Variants in COL23A1 observed in about 807,000 individuals in gnomAD.
COL23A1 encodes the protein collagen type XXIII alpha 1 chain.
COL23A1 carries 97 observed loss-of-function variants against 99.3 expected under a neutral mutation model. That is an observed-to-expected ratio of 0.98 (90% CI 0.83 to 1.16). COL23A1 has a LOEUF of 1.16. Among genes scored for constraint, COL23A1 ranks in the 50% most tolerant of loss-of-function variants. COL23A1 has a pLI of 0.00. For missense variants in COL23A1, 762 were observed against 757.4 expected (o/e 1.01, Z -0.07); for synonymous variants, 320 against 308.2 (o/e 1.04, Z -0.40).
chr5:178,520,242 G>C (rs1759865953), intron 2 of COL23A1, among the ~76,000 whole-genome samples: 1 of 152,190 alleles, frequency 6.6e-6, no homozygotes, highest in South Asian at 2.1e-4. Context: ...ATCAGTGTGT[G>C]ACTAGTAAGA....
At chr5:178,505,817 C>T (rs565807411) in intron 2 of COL23A1, among the ~76,000 whole-genome samples, 3 of 152,250 alleles carry the variant, frequency 2.0e-5, no homozygotes, top group East Asian at 3.9e-4. Context: ...CCCAGAGCCA[C>T]GGACAGGGTG....
chr5:178,417,362 C>A (rs139341511), intron 2 of COL23A1, among the ~76,000 whole-genome samples: 1 of 152,198 alleles, frequency 6.6e-6, no homozygotes, highest in Non-Finnish European at 1.5e-5. Flanking sequence ...TTCAGACTGA[C>A]GCCAAGAAGT....
intron 7 of COL23A1, among the ~76,000 whole-genome samples, chr5:178,267,915 A>G (rs1755994841): frequency 6.6e-6 from 1 of 152,190 alleles, no homozygotes. Flanking sequence ...GTCTTAATTT[A>G]CAGATGGGGA....
chr5:178,505,374 T>G (rs1002690497), intron 2 of COL23A1, among the ~76,000 whole-genome samples: 1 of 152,092 alleles, frequency 6.6e-6, no homozygotes, highest in Non-Finnish European at 1.5e-5. Context: ...CTCAGCCTTC[T>G]GAGTACCTGG....
chr5:178,500,424 C>CCAAAAAAAAAA (rs1554184902), intron 2 of COL23A1, among the ~76,000 whole-genome samples: 2 of 65,696 alleles, frequency 3.0e-5, no homozygotes, highest in African/African-American at 5.6e-5. Context: ...CCCATCTCTA[C>CCAAAAAAAAAA]AAAAAAAAAA....
At chr5:178,492,825 G>T (rs1177475128) in intron 2 of COL23A1, among the ~76,000 whole-genome samples, 1 of 152,104 alleles carries the variant, frequency 6.6e-6, no homozygotes, top group Admixed American at 6.6e-5. Flanking sequence ...CTCTGTAGTA[G>T]AATGCCAGCT....
intron 1 of COL23A1, among the ~76,000 whole-genome samples, chr5:178,563,477 T>TG (rs1293965722): frequency 1.0e-4 from 15 of 146,382 alleles, no homozygotes; most frequent in Admixed American, 9.7e-4. Flanking sequence ...CCCAGTTGAA[T>TG]GGGGGGCCCA....
intron 2 of COL23A1, among the ~76,000 whole-genome samples, chr5:178,328,201 G>A (rs1308185616): frequency 2.0e-5 from 3 of 152,136 alleles, no homozygotes; most frequent in African/African-American, 7.2e-5. Context: ...CATCCTTCCT[G>A]CCATCCACTC....
At position 178,263,085 on chromosome 5, in the gene COL23A1, A is replaced by G. The variant is rs1023967611; in HGVS notation, c.639+123T>C. 6 of 799,900 alleles carry G rather than the reference A, an allele frequency of 7.5e-6. No homozygotes were observed. In the Admixed American group the frequency reaches 1.1e-4, roughly 14 times the overall value. 49.6% of individuals were successfully genotyped at this position (799,900 alleles called of 1,614,324 possible). A position where few individuals can be genotyped will look rare whatever the true frequency, so the allele number is the denominator to read the frequency against. Reference sequence around the variant, plus strand: ...GTTTGGGCCCAGGTTCAGTGTCTGGATTAGGGTTAAGGATAGTGTGGGGTC... The same window carrying G: ...GTTTGGGCCCAGGTTCAGTGTCTGGGTTAGGGTTAAGGATAGTGTGGGGTC... On this transcript the variant is annotated intron_variant, in intron 9 of 28. Transcript: ENST00000390654.
intron 2 of COL23A1, among the ~76,000 whole-genome samples, chr5:178,431,859 A>G (rs973984255): frequency 1.3e-4 from 20 of 152,244 alleles, no homozygotes; most frequent in African/African-American, 3.9e-4. Flanking sequence ...ATTGTCACAC[A>G]TTGGCAGTCA....
intron 2 of COL23A1, among the ~76,000 whole-genome samples, chr5:178,469,365 C>T (rs1227194265): frequency 6.6e-6 from 1 of 152,182 alleles, no homozygotes; most frequent in Non-Finnish European, 1.5e-5. Flanking sequence ...CCCGTCCATC[C>T]CTCCCTGGTC....
At chr5:178,572,073 A>AAAAAAAAAAAAC (rs1763137605) in intron 1 of COL23A1, among the ~76,000 whole-genome samples, 1 of 83,810 alleles carries the variant, frequency 1.2e-5, no homozygotes, top group African/African-American at 6.5e-5. Flanking sequence ...TTCTCAAAAC[A>AAAAAAAAAAAAC]AAAAAAAAAA....
intron 2 of COL23A1, among the ~76,000 whole-genome samples, chr5:178,548,197 C>T (rs1014420471): frequency 3.3e-5 from 5 of 151,274 alleles, no homozygotes; most frequent in Admixed American, 2.6e-4. Flanking sequence ...CTCCCGGCAC[C>T]GTGTGTACAG....
intron 3 of COL23A1, among the ~76,000 whole-genome samples, chr5:178,298,208 G>T (rs2973786): frequency 0.66 from 99,682 of 152,002 alleles, 33,279 homozygotes; most frequent in African/African-American, 0.7. Flanking sequence ...GATGATTCTG[G>T]GGCCTCTTAG....
intron 3 of COL23A1, among the ~76,000 whole-genome samples, chr5:178,296,290 C>G (rs1406789784): frequency 6.6e-6 from 1 of 152,240 alleles, no homozygotes; most frequent in African/African-American, 2.4e-5. Flanking sequence ...ACATCGCTCC[C>G]TCACTGAGCA....
intron 2 of COL23A1, among the ~76,000 whole-genome samples, chr5:178,511,896 A>G (rs1562039527): frequency 6.6e-6 from 1 of 152,230 alleles, no homozygotes; most frequent in Non-Finnish European, 1.5e-5. Flanking sequence ...GGCAAAAAAA[A>G]AATTTTAATT....
At chr5:178,531,359 T>A (rs985067422) in intron 2 of COL23A1, among the ~76,000 whole-genome samples, 1 of 152,206 alleles carries the variant, frequency 6.6e-6, no homozygotes, top group Admixed American at 6.5e-5. Context: ...GGTCTCTTGA[T>A]GGCAAATCTA....
At chr5:178,322,163 T>A (rs1198983214) in intron 2 of COL23A1, among the ~76,000 whole-genome samples, 1 of 151,930 alleles carries the variant, frequency 6.6e-6, no homozygotes, top group Non-Finnish European at 1.5e-5. Flanking sequence ...CAGTTAATTT[T>A]TTCTATTTTT....
intron 3 of COL23A1, 111 bp from the exon 4 acceptor site, chr5:178,290,480 C>A: frequency 7.1e-7 from 1 of 1,404,666 alleles, no homozygotes; most frequent in South Asian, 1.2e-5. Context: ...GCCACCTCTC[C>A]CCGGAAGGCT....
Sources: gnomAD v4.1 joint callset for allele counts (sites outside exome capture counted in the v4.1 genomes callset) on GRCh38, gnomAD v4.1.1 for gene constraint, MANE v1.5 for transcripts, NCBI Gene and HGNC (gene_info 2026-07-23, HGNC 2026-07-21) for gene names.